SLC30A5: variants seen among roughly 807,000 people sequenced by gnomAD.
The protein encoded by SLC30A5 is proton-coupled zinc antiporter SLC30A5.
In SLC30A5, 33 loss-of-function variants were observed where a neutral mutation model predicts 79.6. The observed-to-expected ratio is 0.41, with a 90% CI of 0.31 to 0.55. SLC30A5 has a LOEUF of 0.55. Ranked by LOEUF, SLC30A5 falls within the 20% of genes least tolerant of loss-of-function variation. The pLI, the probability that SLC30A5 is intolerant of heterozygous loss-of-function variation, is 0.20. For missense variants in SLC30A5, 788 were observed against 928.1 expected, an observed-to-expected ratio of 0.85 and a Z score of 1.96; for synonymous variants, 299 against 319.7, an observed-to-expected ratio of 0.94 and a Z score of 0.69.
chr5:69,101,405 A>C (rs1356365661), intron 2 of SLC30A5, among the ~76,000 whole-genome samples: 1 of 151,572 alleles, frequency 6.6e-6, no homozygotes, highest in African/African-American at 2.4e-5. Context: ...CAGCCTCCCG[A>C]GTAGCTGGGA....
In SLC30A5 at chr5:69,095,490, G is replaced by A. The variant is rs145297008; in HGVS notation, c.83+1152G>A. Among the ~76,000 whole-genome samples the A allele has an allele frequency of 1.4e-3, 207 of 151,628 alleles. 2 individuals carry two copies. The highest frequency in any genetic ancestry group is 4.8e-3 in the African/African-American group (199 of 41,392). Reference sequence around the variant, plus strand: ...GCCGGGATTACAGGCATGAGCCACCGCGCCCGCCCAACATAAGCATTTGTT... The same window carrying A: ...GCCGGGATTACAGGCATGAGCCACCACGCCCGCCCAACATAAGCATTTGTT... On this transcript the variant is annotated intron_variant, in intron 1 of 15. Coordinates refer to ENST00000396591, the MANE Select transcript of SLC30A5 (RefSeq NM_022902.5).
chr5:69,103,927 C>G, intron 3 of SLC30A5: 1 of 1,455,332 alleles, frequency 6.9e-7, no homozygotes. Context: ...GATTAATAGT[C>G]TAAACCCCAT....
At chr5:69,119,628 TAC>T (rs748795909) in intron 12 of SLC30A5, among the ~76,000 whole-genome samples, 9 of 152,236 alleles carry the variant, frequency 5.9e-5, no homozygotes, top group Non-Finnish European at 1.2e-4. Context: ...GTTTCTATAA[TAC>T]AGTTTGGAAA....
chr5:69,118,399 TTAG>T (rs1176965959), intron 11 of SLC30A5, 97 bp from the exon 12 acceptor site: 16 of 827,476 alleles, frequency 1.9e-5, no homozygotes, highest in Admixed American at 6.8e-5. Flanking sequence ...TATTAATTAC[TTAG>T]TAGTATGAAA....
chr5:69,119,149 G>C (rs1289594206), intron 12 of SLC30A5, among the ~76,000 whole-genome samples: 1 of 152,022 alleles, frequency 6.6e-6, no homozygotes, highest in Non-Finnish European at 1.5e-5. Flanking sequence ...AGCTTTACAT[G>C]TGCTGTTTCT....
chr5:69,104,411 G>C, intron 3 of SLC30A5: 1 of 1,243,578 alleles, frequency 8.0e-7, no homozygotes, highest in Non-Finnish European at 1.0e-6. Context: ...CAAAGTGCTA[G>C]GATTACAGGC....
At chr5:69,113,699 A>T (rs1007762403) in intron 6 of SLC30A5, among the ~76,000 whole-genome samples, 1 of 152,190 alleles carries the variant, frequency 6.6e-6, no homozygotes, top group Admixed American at 6.5e-5. Context: ...CCAACTTTCT[A>T]GTCAAATATA....
chr5:69,098,861 C>T (rs991690999), intron 1 of SLC30A5, among the ~76,000 whole-genome samples: 2 of 152,142 alleles, frequency 1.3e-5, no homozygotes, highest in Non-Finnish European at 2.9e-5. Flanking sequence ...TGCCCTTCCC[C>T]GCAAAGAGGA....
chr5:69,111,519 T>C (rs1055201837), intron 5 of SLC30A5, among the ~76,000 whole-genome samples: 2 of 151,756 alleles, frequency 1.3e-5, no homozygotes, highest in African/African-American at 4.8e-5. Context: ...TTGGTCAGGC[T>C]GGTCTTGAAC....
chr5:69,108,757 G>A (rs371716326), intron 5 of SLC30A5, among the ~76,000 whole-genome samples: 1 of 150,152 alleles, frequency 6.7e-6, no homozygotes, highest in Non-Finnish European at 1.5e-5. Flanking sequence ...GGGAGGCGGA[G>A]GTTACAGTGA....
chr5:69,121,807 C>G lies in SLC30A5; in HGVS notation c.1683C>G (p.Ser561Arg), dbSNP rs1216569453. 1 of 1,612,920 alleles carries G rather than the reference C, an allele frequency of 6.2e-7. No individual in the cohort carries two copies. The highest frequency in any genetic ancestry group is 1.3e-5 in the African/African-American group (1 of 74,874). Reference sequence around the variant, plus strand: ...GAAGCTGTCACTCATCTGATCACAGCCATTCACACCATATGCATGGACACA... The same window carrying G: ...GAAGCTGTCACTCATCTGATCACAGGCATTCACACCATATGCATGGACACA... ...SQGSCHSSDH[S>R]HSHHMHGHSD... is the part of the protein sequence containing the mutation. The change falls in exon 13 of 16, where the codon AGC (serine) becomes AGG (arginine). Residue 561 changes from serine to arginine, a missense_variant. By Grantham distance (110) the Ser-to-Arg change is moderately radical. Coordinates refer to ENST00000396591, the MANE Select transcript of SLC30A5 (RefSeq NM_022902.5).
chr5:69,112,291 CA>C (rs879632892), intron 5 of SLC30A5, among the ~76,000 whole-genome samples: 152 of 130,974 alleles, frequency 1.2e-3, no homozygotes, highest in East Asian at 1.5e-3. Context: ...AGACTCTCCT[CA>C]AAAAAAAAAA....
chr5:69,094,472 G>A, intron 1 of SLC30A5, 134 bp downstream of exon 1: 4 of 1,001,574 alleles, frequency 4.0e-6, no homozygotes, highest in Non-Finnish European at 5.1e-6. Flanking sequence ...CTGCCTCCCT[G>A]CGCGCAGGCT....
rs555817479 is a variant in SLC30A5, at chr5:69,113,536, C to T, written c.535+309C>T. The stretch of plus-strand genomic sequence containing the variant: ...TGATTTGCCACTCAACATGTTTGCT[C>T]CCTTATAATTTAACAATTAAAAGGC... On this transcript the variant is annotated intron_variant, in intron 6 of 15. Coordinates refer to ENST00000396591, the MANE Select transcript of SLC30A5 (RefSeq NM_022902.5). Among the ~76,000 whole-genome samples, 124 of 151,414 alleles carry T rather than the reference C, an allele frequency of 8.2e-4. No homozygotes were observed. In the Middle Eastern group the frequency reaches 0.014, roughly 17 times the overall value.
rs373857471 is a variant in SLC30A5 at position 69,117,599 on chromosome 5, G to A, written c.1439+203G>A. Among the ~76,000 whole-genome samples, 230 of 152,312 alleles carry A rather than the reference G, an allele frequency of 1.5e-3. 2 individuals carry two copies. Among genetic ancestry groups the A allele is most frequent in the African/African-American group, 5.3e-3 (222 of 41,572 alleles). On this transcript the variant is annotated intron_variant, in intron 11 of 15. Coordinates refer to ENST00000396591, the MANE Select transcript of SLC30A5 (RefSeq NM_022902.5). ...GCTCAAAGATTATGCTCCCTTGGCC[G>A]AGCACAGTGGCTCACGCCTGTAATC...
intron 12 of SLC30A5, among the ~76,000 whole-genome samples, chr5:69,120,714 C>T (rs1746512553): frequency 6.6e-6 from 1 of 151,574 alleles, no homozygotes. Context: ...TCAAATGGTC[C>T]GAATCAGGAA....
intron 12 of SLC30A5, 103 bp from the exon 13 acceptor site, chr5:69,121,590 CA>C (rs1203702428): frequency 1.2e-6 from 1 of 829,822 alleles, no homozygotes; most frequent in Non-Finnish European, 1.8e-6. Flanking sequence ...TGAATACTTT[CA>C]AAACTGTAAA....
chr5:69,119,070 G>A (rs765663889), intron 12 of SLC30A5, among the ~76,000 whole-genome samples: 1 of 151,918 alleles, frequency 6.6e-6, no homozygotes, highest in South Asian at 2.1e-4. Flanking sequence ...CAAAGTGCTG[G>A]GATTACAGGC....
chr5:69,094,284 T>C lies in SLC30A5; in HGVS notation c.29T>C (p.Leu10Pro). 2.4e-6 allele frequency: 3 copies of C among 1,260,466 alleles called. No homozygotes were observed. Among genetic ancestry groups the C allele is most frequent in the Non-Finnish European group, 3.0e-6 (3 of 996,536 alleles). The allele number at this position is 1,260,466 out of a possible 1,614,324, so 78.1% of individuals were successfully genotyped here. The change falls in exon 1 of 16, where the codon CTG (leucine) becomes CCG (proline). Residue 10 changes from leucine (L) to proline (P), a missense_variant. Transcript: ENST00000396591. ...GAGGAGAAATACGGCGGGGACGTGC[T>C]GGCCGGCCCCGGCGGCGGCGGCGGC... is the stretch of plus-strand genomic sequence containing the variant. MEEKYGGDV[L>P]AGPGGGGGLG...
Sources: allele counts gnomAD v4.1 joint callset (sites outside exome capture counted in the v4.1 genomes callset), GRCh38; gene constraint gnomAD v4.1.1; transcripts MANE v1.5; gene names NCBI Gene and HGNC (gene_info 2026-07-23, HGNC 2026-07-21).